The following CDKL4 variants were observed in gnomAD, a reference collection of about 807,000 sequenced individuals.
The protein encoded by CDKL4 is cyclin-dependent kinase-like 4.
CDKL4 carries 44 observed loss-of-function variants against 42.0 expected under a neutral mutation model. That is an observed-to-expected ratio of 1.05 (90% CI 0.82 to 1.35). The LOEUF (loss-of-function observed/expected upper bound fraction) is 1.35. Among genes scored for constraint, CDKL4 ranks in the 40% most tolerant of loss-of-function variants. The pLI, the probability that CDKL4 is intolerant of heterozygous loss-of-function variation, is 0.00. For missense variants in CDKL4, 393 were observed against 369.9 expected, an observed-to-expected ratio of 1.06 and a Z score of -0.51; for synonymous variants, 120 against 121.6, an observed-to-expected ratio of 0.99 and a Z score of 0.09.
intron 3 of CDKL4, among the ~76,000 whole-genome samples, chr2:39,225,076 C>T (rs1678614370): frequency 6.6e-6 from 1 of 152,142 alleles, no homozygotes; most frequent in Non-Finnish European, 1.5e-5. Flanking sequence ...CTTGTTTCCT[C>T]ACTTTAATGA....
chr2:39,242,917 G>T (rs1176514480), intron 1 of CDKL4, among the ~76,000 whole-genome samples: 2 of 151,752 alleles, frequency 1.3e-5, no homozygotes, highest in Admixed American at 1.3e-4. Flanking sequence ...GGCCAATGTG[G>T]TGAAACCCCA....
At chr2:39,220,715 G>C (rs1031905450) in intron 3 of CDKL4, among the ~76,000 whole-genome samples, 14 of 151,896 alleles carry the variant, frequency 9.2e-5, no homozygotes, top group South Asian at 2.1e-4. Context: ...CTCCCGAGTA[G>C]CTGGGATTAC....
chr2:39,232,395 T>A (rs1179748580), intron 1 of CDKL4, among the ~76,000 whole-genome samples: 1 of 152,202 alleles, frequency 6.6e-6, no homozygotes, highest in Non-Finnish European at 1.5e-5. Context: ...AGGCAGTAAT[T>A]CCTACTCTCT....
downstream of CDKL4, among the ~76,000 whole-genome samples, chr2:39,172,093 G>A (rs753516459): frequency 1.3e-5 from 2 of 151,990 alleles, no homozygotes; most frequent in African/African-American, 4.8e-5. Context: ...GGCGGATCAC[G>A]AGGTCAGGGG....
rs1009695441 is a variant in CDKL4 at position 39,208,701 on chromosome 2, C to G, written c.364-4084G>C. Among the ~76,000 whole-genome samples the G allele has an allele frequency of 3.4e-4, 35 of 102,014 alleles. No homozygotes were observed. In the East Asian group the frequency reaches 0.011, roughly 32 times the overall value. The allele number at this position is 102,014 out of a possible 152,430, so 66.9% of individuals were successfully genotyped here. A position where few individuals can be genotyped will look rare whatever the true frequency, so the allele number is the denominator to read the frequency against. ...TCAGTTGTTGTGGCTGACGGGCAAT[C>G]TTTTTTTTTTTTTTTTTTTTTGGCT... On this transcript the variant is annotated intron_variant, in intron 4 of 9. Transcript: ENST00000451199.
At chr2:39,171,433 C>T (rs189023425), downstream of CDKL4, among the ~76,000 whole-genome samples, 1 of 152,234 alleles carries the variant, frequency 6.6e-6, no homozygotes, top group African/African-American at 2.4e-5. Flanking sequence ...TCAAAAGCTT[C>T]TTGAATACAA....
At chr2:39,169,378 G>C in the CDKL4 span, among the ~76,000 whole-genome samples, 4 of 152,200 alleles carry the variant, frequency 2.6e-5, no homozygotes, top group African/African-American at 9.6e-5. Context: ...GGAGCTAGTA[G>C]GGTGTAGTCG....
intron 5 of CDKL4, among the ~76,000 whole-genome samples, chr2:39,198,217 G>C (rs1572969010): frequency 6.9e-6 from 1 of 145,080 alleles, no homozygotes; most frequent in Non-Finnish European, 1.5e-5. Context: ...AGACTTTAAA[G>C]CAACAGCAGT....
At chr2:39,185,608 G>A (rs1387792194) in intron 7 of CDKL4, among the ~76,000 whole-genome samples, 5 of 150,446 alleles carry the variant, frequency 3.3e-5, no homozygotes, top group African/African-American at 1.2e-4. Context: ...GACTACAGGC[G>A]CCCACCACAC....
intron 5 of CDKL4, among the ~76,000 whole-genome samples, chr2:39,200,582 C>G (rs1676786179): frequency 6.6e-6 from 1 of 152,122 alleles, no homozygotes; most frequent in South Asian, 2.1e-4. Context: ...TACCTGACTT[C>G]AAACTATACT....
At chr2:39,213,371 G>A in intron 4 of CDKL4, 29 bp downstream of exon 4, 1 of 1,368,564 alleles carries the variant, frequency 7.3e-7, no homozygotes, top group East Asian at 2.3e-5. Context: ...ATGAAGAAAT[G>A]AATAAATACA....
intron 3 of CDKL4, among the ~76,000 whole-genome samples, chr2:39,221,011 T>G (rs1558575998): frequency 7.5e-5 from 5 of 66,974 alleles, no homozygotes; most frequent in South Asian, 6.8e-4. Flanking sequence ...GTTTTTTTTT[T>G]TGTTTTGTTT....
chr2:39,171,693 A>T (rs1675003372), downstream of CDKL4, among the ~76,000 whole-genome samples: 1 of 152,210 alleles, frequency 6.6e-6, no homozygotes, highest in African/African-American at 2.4e-5. Context: ...AAAAGCAAAC[A>T]CACTAAAAAA....
At chr2:39,192,300 G>C (rs772911665) in intron 5 of CDKL4, among the ~76,000 whole-genome samples, 1 of 152,076 alleles carries the variant, frequency 6.6e-6, no homozygotes, top group Non-Finnish European at 1.5e-5. Context: ...ACCACCCAAA[G>C]GTACTTTGTG....
chr2:39,236,186 T>C (rs1314835252), intron 1 of CDKL4, among the ~76,000 whole-genome samples: 1 of 119,704 alleles, frequency 8.4e-6, no homozygotes, highest in Non-Finnish European at 1.8e-5. Context: ...AAATGAAAAA[T>C]CCTGTAGATG....
intron 1 of CDKL4, among the ~76,000 whole-genome samples, chr2:39,237,889 A>T (rs991316125): frequency 6.6e-6 from 1 of 152,258 alleles, no homozygotes; most frequent in Non-Finnish European, 1.5e-5. Context: ...TATGCAAAAT[A>T]AATCATCTTT....
chr2:39,198,004 G>T (rs1260770300), intron 5 of CDKL4, among the ~76,000 whole-genome samples: 5 of 152,102 alleles, frequency 3.3e-5, no homozygotes, highest in Non-Finnish European at 7.4e-5. Context: ...GATGTTGGAT[G>T]TAAATGGCTT....
At chr2:39,195,300 AT>A (rs1357128942) in intron 5 of CDKL4, among the ~76,000 whole-genome samples, 1 of 152,090 alleles carries the variant, frequency 6.6e-6, no homozygotes, top group Non-Finnish European at 1.5e-5. Context: ...CCTGCTGCCA[AT>A]TTTTTTGGGT....
chr2:39,231,836 G>A (rs772638111), intron 1 of CDKL4, among the ~76,000 whole-genome samples: 1 of 152,200 alleles, frequency 6.6e-6, no homozygotes, highest in Non-Finnish European at 1.5e-5. Flanking sequence ...AAGATCACTT[G>A]AGCCCAGGAG....
Sources: gnomAD v4.1 joint callset for allele counts (sites outside exome capture counted in the v4.1 genomes callset) on GRCh38, gnomAD v4.1.1 for gene constraint, MANE v1.5 for transcripts, NCBI Gene and HGNC (gene_info 2026-07-23, HGNC 2026-07-21) for gene names.